Variants in RIC1 observed in about 807,000 individuals in gnomAD.
The protein encoded by RIC1 is guanine nucleotide exchange factor subunit RIC1.
A neutral mutation model predicts 169.0 loss-of-function variants in RIC1; 88 were observed. That is an observed-to-expected ratio of 0.52 (90% CI 0.44 to 0.62). RIC1 has a LOEUF of 0.62. Among genes scored for constraint, RIC1 ranks in the 20% least tolerant of loss-of-function variants. RIC1 has a pLI of 0.00. For synonymous variants in RIC1, 790 were observed against 601.5 expected, an observed-to-expected ratio of 1.31 and a Z score of -4.59; for missense variants, 1,877 against 1,725.5, an observed-to-expected ratio of 1.09 and a Z score of -1.56.
intron 25 of RIC1, 165 bp downstream of exon 25, chr9:5,773,245 A>T (rs190824674): frequency 8.0e-6 from 2 of 251,066 alleles, no homozygotes; most frequent in Non-Finnish European, 1.5e-5. Flanking sequence ...TAATCATTCT[A>T]TACCCAGCTA....
intron 11 of RIC1, 144 bp from the exon 12 acceptor site, chr9:5,747,158 C>T: frequency 1.6e-6 from 1 of 640,374 alleles, no homozygotes; most frequent in Non-Finnish European, 2.8e-6. Flanking sequence ...TAGTCTTTGT[C>T]CTCTGTGAAG....
intron 2 of RIC1, among the ~76,000 whole-genome samples, chr9:5,685,242 C>A (rs946557436): frequency 7.4e-5 from 11 of 149,408 alleles, no homozygotes; most frequent in Admixed American, 6.7e-4. Context: ...CATCAAGCTA[C>A]CAATGAGTTT....
At chr9:5,756,626 C>T (rs1366531331) in intron 16 of RIC1, among the ~76,000 whole-genome samples, 2 of 136,924 alleles carry the variant, frequency 1.5e-5, no homozygotes, top group African/African-American at 5.6e-5. Flanking sequence ...TGAGGTAAAC[C>T]CTTAGATACT....
At chr9:5,662,848 T>A (rs567714772) in intron 2 of RIC1, among the ~76,000 whole-genome samples, 37 of 152,354 alleles carry the variant, frequency 2.4e-4, no homozygotes, top group African/African-American at 8.7e-4. Flanking sequence ...AGTTCTGCTC[T>A]GATCTTGGTT....
At position 5,742,903 on chromosome 9, in the gene RIC1, G is replaced by A. The variant is rs1825165267; in HGVS notation, c.936G>A (p.Met312Ile). The A allele has an allele frequency of 1.9e-6, 3 of 1,612,748 alleles. No individual in the cohort carries two copies. In the East Asian group the frequency reaches 6.7e-5, roughly 36 times the overall value. The change falls in exon 9 of 26, where the codon ATG becomes ATA. Residue 312 changes from methionine (M) to isoleucine (I), a missense_variant. This residue lies in a region of RIC1 where 1,104 missense variants were observed against 992.0 expected (regional missense o/e 1.11). Transcript: ENST00000414202. Reference sequence around the variant, plus strand: ...ATAAAACAGGAGCTGTTAAATTGATGAGATGGTCTCCTGACAATAGTGTTG... The same window carrying A: ...ATAAAACAGGAGCTGTTAAATTGATAAGATGGTCTCCTGACAATAGTGTTG... ...IWNKTGAVKL[M>I]RWSPDNSVVI...
At chr9:5,717,377 CT>C (rs1444029859) in intron 4 of RIC1, among the ~76,000 whole-genome samples, 1 of 152,112 alleles carries the variant, frequency 6.6e-6, no homozygotes, top group Non-Finnish European at 1.5e-5. Flanking sequence ...ATGCTGACTC[CT>C]TCCAAGGAAA....
intron 3 of RIC1, among the ~76,000 whole-genome samples, chr9:5,697,462 T>G (rs925314730): frequency 6.6e-6 from 1 of 152,210 alleles, no homozygotes; most frequent in Non-Finnish European, 1.5e-5. Flanking sequence ...ATTAGTAGAA[T>G]AATAAAATGA....
At chr9:5,694,999 A>G (rs990424619) in intron 3 of RIC1, among the ~76,000 whole-genome samples, 2 of 152,196 alleles carry the variant, frequency 1.3e-5, no homozygotes, top group Non-Finnish European at 2.9e-5. Flanking sequence ...AGATCTTGTT[A>G]TTCTTCTAGT....
intron 1 of RIC1, among the ~76,000 whole-genome samples, chr9:5,647,273 GTT>G (rs2130368414): frequency 6.6e-6 from 1 of 152,226 alleles, no homozygotes; most frequent in African/African-American, 2.4e-5. Flanking sequence ...TTATTTTCAA[GTT>G]TGTTTTGTCT....
chr9:5,693,829 T>C (rs1396220957), intron 3 of RIC1, among the ~76,000 whole-genome samples: 1 of 152,068 alleles, frequency 6.6e-6, no homozygotes, highest in African/African-American at 2.4e-5. Flanking sequence ...GAGATTTTTT[T>C]CCCCCTTCTT....
At chr9:5,668,432 T>C (rs1563883299) in intron 2 of RIC1, among the ~76,000 whole-genome samples, 1 of 152,346 alleles carries the variant, frequency 6.6e-6, no homozygotes, top group East Asian at 1.9e-4. Context: ...TTGGAATTTC[T>C]TGGATTTGTA....
intron 15 of RIC1, 56 bp from the exon 16 acceptor site, chr9:5,756,156 G>C: frequency 8.7e-7 from 1 of 1,143,918 alleles, no homozygotes; most frequent in Non-Finnish European, 1.1e-6. Flanking sequence ...AAAGTATTTG[G>C]TCATCCCTAG....
rs1210267177 is a variant in RIC1, at chr9:5,775,504, AAAC to A, written c.*1261_*1263del. 1 of 152,186 alleles carries A rather than the reference AAAC, an allele frequency of 6.6e-6. No homozygotes were observed. Among genetic ancestry groups the A allele is most frequent in the Non-Finnish European group, 1.5e-5 (1 of 68,026 alleles). The allele number at this position is 152,186 out of a possible 1,614,324, so 9.4% of individuals were successfully genotyped here. On this transcript the variant is annotated 3_prime_UTR_variant, in exon 26 of 26. Transcript: ENST00000414202. ...GGAATGCAATGTTATTTTTTACAAAAAACAAACTTGTTTATTTTTATAATAACG... is the reference window on the plus strand; with the variant it reads ...GGAATGCAATGTTATTTTTTACAAAAAAACTTGTTTATTTTTATAATAACG...
chr9:5,730,773 G>C (rs986626243), intron 6 of RIC1, among the ~76,000 whole-genome samples: 2 of 152,070 alleles, frequency 1.3e-5, no homozygotes, highest in African/African-American at 4.8e-5. Context: ...TGACAGAAAA[G>C]TTTAAAAAAT....
Position 5,757,350 on chromosome 9 carries a change from G to A in RIC1, c.1891G>A (p.Val631Ile). The change falls in exon 17 of 26, where the codon GTT becomes ATT. Residue 631 changes from valine to isoleucine, a missense_variant. Transcript: ENST00000414202. ...TGCTGGTATTCAAGTTCTTCAGGAG[G>A]TTTCCATGTCACGCTACATTCCTCA... ...TTAGIQVLQE[V>I]SMSRYIPHPF... 1 of 1,613,972 alleles carries A rather than the reference G, an allele frequency of 6.2e-7. No homozygotes were observed.
intron 2 of RIC1, among the ~76,000 whole-genome samples, chr9:5,663,957 A>G (rs1194983420): frequency 6.6e-6 from 1 of 152,076 alleles, no homozygotes; most frequent in Admixed American, 6.6e-5. Context: ...TTTCCTTTCC[A>G]TATTTAGTGC....
chr9:5,656,619 A>G lies in RIC1; in HGVS notation c.181A>G (p.Lys61Glu). 6.2e-7 allele frequency: 1 copy of G among 1,608,490 alleles called. No individual in the cohort carries two copies. Among genetic ancestry groups the G allele is most frequent in the Non-Finnish European group, 8.5e-7 (1 of 1,176,376 alleles). Residue 61 changes from lysine (K) to glutamate (E), a missense_variant, in exon 2 of 26, where the codon AAA (lysine) becomes GAA (glutamate). By Grantham distance (56) the Lys-to-Glu change is moderately conservative. Coordinates refer to ENST00000414202, the MANE Select transcript of RIC1 (RefSeq NM_020829.4). ...VLIVTYKEPA[K>E]SSTQFGSYKQ... ...AATTGTAACCTACAAGGAGCCTGCA[A>G]AATCATCTACTCAGTTTGGATCCTA...
intron 1 of RIC1, among the ~76,000 whole-genome samples, chr9:5,646,041 T>C (rs1420476136): frequency 6.6e-6 from 1 of 152,054 alleles, no homozygotes; most frequent in East Asian, 1.9e-4. Flanking sequence ...TTTTACATTC[T>C]TACCAGCAAT....
At chr9:5,746,364 C>G (rs1825376474) in intron 11 of RIC1, among the ~76,000 whole-genome samples, 1 of 151,974 alleles carries the variant, frequency 6.6e-6, no homozygotes, top group Admixed American at 6.6e-5. Context: ...TAGTCTTTAT[C>G]TGAATAGCAT....
Sources: gnomAD v4.1 joint callset for allele counts (sites outside exome capture counted in the v4.1 genomes callset) on GRCh38, gnomAD v4.1.1 for gene constraint, gnomAD v4.1.1 regional missense constraint, MANE v1.5 for transcripts, NCBI Gene and HGNC (gene_info 2026-07-23, HGNC 2026-07-21) for gene names.